BMERB1: variants seen among roughly 807,000 people sequenced by gnomAD.
BMERB1 encodes bMERB domain-containing protein 1.
BMERB1 carries 12 observed loss-of-function variants against 23.6 expected under a neutral mutation model. The ratio of observed to expected loss-of-function variants is 0.51; its 90% confidence interval spans 0.33 to 0.82. BMERB1 has a LOEUF of 0.82. BMERB1 is among the 40% of genes least tolerant of loss of function. The pLI is 0.03. For missense variants in BMERB1, 247 were observed against 255.4 expected, an observed-to-expected ratio of 0.97 and a Z score of 0.22; for synonymous variants, 122 against 96.6, an observed-to-expected ratio of 1.26 and a Z score of -1.54.
intron 2 of BMERB1, among the ~76,000 whole-genome samples, chr16:15,555,557 C>T (rs1048482408): frequency 7.2e-5 from 11 of 152,064 alleles, no homozygotes; most frequent in Admixed American, 1.3e-4. Flanking sequence ...TGTTTGGGAA[C>T]GAGTGTCTGA....
chr16:15,507,258 C>T (rs1043286394), intron 1 of BMERB1, among the ~76,000 whole-genome samples: 2 of 152,296 alleles, frequency 1.3e-5, no homozygotes, highest in African/African-American at 4.8e-5. Flanking sequence ...ATCACCTCCA[C>T]CACTCCTGTC....
rs1471117590 is a variant in BMERB1, at chr16:15,434,774, G to A, written c.106+15G>A. The A allele has an allele frequency of 3.6e-6, 2 of 556,970 alleles. No homozygotes were observed. The highest frequency in any genetic ancestry group is 2.9e-5 in the Admixed American group (1 of 35,056). The allele number at this position is 556,970 out of a possible 1,614,324, so 34.5% of individuals were successfully genotyped here. A position where few individuals can be genotyped will look rare whatever the true frequency, so the allele number is the denominator to read the frequency against. On this transcript the variant is annotated intron_variant, in intron 1 of 5. Coordinates refer to ENST00000300006, the MANE Select transcript of BMERB1 (RefSeq NM_033201.3). ...ACTGGGGAGAAGTGAGTACTGGGGC[G>A]GGGGGCGGGGGGCCGGGGACAGCTG...
chr16:15,535,940 A>T (rs992330981), intron 2 of BMERB1, among the ~76,000 whole-genome samples: 10 of 152,168 alleles, frequency 6.6e-5, no homozygotes, highest in African/African-American at 2.2e-4. Context: ...AAGCCCTCAG[A>T]TCTCATGAGA....
intron 1 of BMERB1, among the ~76,000 whole-genome samples, chr16:15,459,491 A>G (rs1263329079): frequency 1.3e-5 from 2 of 152,198 alleles, no homozygotes; most frequent in Admixed American, 1.3e-4. Flanking sequence ...TTAATATCAG[A>G]CAGAAGAAAA....
chr16:15,468,203 T>C (rs2051200494), intron 1 of BMERB1, among the ~76,000 whole-genome samples: 2 of 126,626 alleles, frequency 1.6e-5, no homozygotes, highest in South Asian at 5.6e-4. Context: ...TGGAGTGCAG[T>C]GGCACGATCA....
intron 1 of BMERB1, among the ~76,000 whole-genome samples, chr16:15,462,328 A>G (rs1029103125): frequency 4.6e-5 from 7 of 150,858 alleles, no homozygotes; most frequent in African/African-American, 1.5e-4. Context: ...ATTTTTTTGT[A>G]TTTTTAGTAG....
intron 1 of BMERB1, among the ~76,000 whole-genome samples, chr16:15,463,243 C>T (rs560599668): frequency 6.7e-6 from 1 of 150,062 alleles, no homozygotes; most frequent in African/African-American, 2.5e-5. Flanking sequence ...TATGTCTGGC[C>T]AATTAAATCA....
chr16:15,457,981 C>G (rs938613861), intron 1 of BMERB1, among the ~76,000 whole-genome samples: 1 of 152,162 alleles, frequency 6.6e-6, no homozygotes, highest in African/African-American at 2.4e-5. Flanking sequence ...CATCAGGTCT[C>G]TCGAGAATTC....
chr16:15,444,004 C>A (rs1047774152), intron 1 of BMERB1, among the ~76,000 whole-genome samples: 3 of 151,386 alleles, frequency 2.0e-5, no homozygotes, highest in African/African-American at 4.9e-5. Flanking sequence ...TTGCATTGGG[C>A]CTGAAGGCTA....
At chr16:15,471,447 G>A (rs1455515244) in intron 1 of BMERB1, among the ~76,000 whole-genome samples, 1 of 152,178 alleles carries the variant, frequency 6.6e-6, no homozygotes, top group Admixed American at 6.5e-5. Flanking sequence ...GTTTGGTAGA[G>A]TGTTGTTTTT....
At chr16:15,516,958 G>A (rs1398703475) in intron 2 of BMERB1, among the ~76,000 whole-genome samples, 1 of 152,140 alleles carries the variant, frequency 6.6e-6, no homozygotes, top group Non-Finnish European at 1.5e-5. Flanking sequence ...TACTCTCACT[G>A]GGACGTTATA....
Position 15,587,646 on chromosome 16 carries a change from CG to C in BMERB1, c.*821del. 2.9e-6 allele frequency: 1 copy of C among 347,428 alleles called. No individual in the cohort carries two copies. The highest frequency in any genetic ancestry group is 6.2e-6 in the Non-Finnish European group (1 of 162,184). The allele number at this position is 347,428 out of a possible 1,614,324, so 21.5% of individuals were successfully genotyped here. A position where few individuals can be genotyped will look rare whatever the true frequency, so the allele number is the denominator to read the frequency against. Reference sequence around the variant, plus strand: ...TGCTGACCTGGGCACTCCACCATTCCGGGGCCACCACAGAGATGCCAGCAGG... The same window carrying C: ...TGCTGACCTGGGCACTCCACCATTCCGGGCCACCACAGAGATGCCAGCAGG... On this transcript the variant is annotated 3_prime_UTR_variant, in exon 6 of 6. Coordinates refer to ENST00000300006, the MANE Select transcript of BMERB1 (RefSeq NM_033201.3).
chr16:15,583,043 C>T (rs2031055024), intron 4 of BMERB1, 113 bp from the exon 5 acceptor site: 2 of 800,728 alleles, frequency 2.5e-6, no homozygotes, highest in Non-Finnish European at 4.4e-6. Context: ...TGACAACATA[C>T]ATGCCCCATC....
At chr16:15,482,668 C>G (rs140097258) in intron 1 of BMERB1, among the ~76,000 whole-genome samples, 1 of 152,102 alleles carries the variant, frequency 6.6e-6, no homozygotes, top group East Asian at 1.9e-4. Flanking sequence ...CAAAGCAAGG[C>G]GACTTCTGGG....
intron 3 of BMERB1, among the ~76,000 whole-genome samples, chr16:15,569,742 T>G (rs2030676856): frequency 6.6e-6 from 1 of 152,158 alleles, no homozygotes; most frequent in Non-Finnish European, 1.5e-5. Flanking sequence ...CCTAAAGAGA[T>G]ATCTCAAAAG....
chr16:15,472,658 AC>A (rs1431932270), intron 1 of BMERB1, among the ~76,000 whole-genome samples: 1 of 149,068 alleles, frequency 6.7e-6, no homozygotes, highest in Non-Finnish European at 1.5e-5. Context: ...CTTCTAGATA[AC>A]ATATTGCTGG....
chr16:15,440,281 C>T (rs1315213454), intron 1 of BMERB1, among the ~76,000 whole-genome samples: 1 of 138,898 alleles, frequency 7.2e-6, no homozygotes, highest in Non-Finnish European at 1.5e-5. Flanking sequence ...TCAACACAGA[C>T]ATAGTGCTGG....
chr16:15,518,417 A>G (rs1170161126), intron 2 of BMERB1, among the ~76,000 whole-genome samples: 7 of 152,168 alleles, frequency 4.6e-5, no homozygotes, highest in African/African-American at 1.7e-4. Flanking sequence ...TCAGCCTTGT[A>G]TGGTGTGTAG....
intron 1 of BMERB1, among the ~76,000 whole-genome samples, chr16:15,484,073 C>T (rs1047177178): frequency 1.3e-5 from 2 of 152,144 alleles, no homozygotes; most frequent in African/African-American, 4.8e-5. Flanking sequence ...AGGAAGATGC[C>T]AGCTTCTTTA....
Sources: allele counts gnomAD v4.1 joint callset (sites outside exome capture counted in the v4.1 genomes callset), GRCh38; gene constraint gnomAD v4.1.1; transcripts MANE v1.5; gene names NCBI Gene and HGNC (gene_info 2026-07-23, HGNC 2026-07-21).